MITF: variants seen among roughly 807,000 people sequenced by gnomAD.
The protein encoded by MITF is microphthalmia-associated transcription factor.
MITF carries 17 observed loss-of-function variants against 60.5 expected under a neutral mutation model. The observed-to-expected ratio is 0.28, with a 90% confidence interval of 0.19 to 0.42. The LOEUF (loss-of-function observed/expected upper bound fraction) is 0.42, where lower values mean the gene tolerates loss of function less well. Among genes scored for constraint, MITF ranks in the 10% least tolerant of loss-of-function variants. The probability of loss-of-function intolerance (pLI) is 1.00; values close to 1 mark genes in which losing one functional copy is unlikely to be tolerated. For synonymous variants in MITF, 260 were observed against 248.5 expected, an observed-to-expected ratio of 1.05 and a Z score of -0.43; for missense variants, 622 against 683.5, an observed-to-expected ratio of 0.91 and a Z score of 1.00.
chr3:69,804,860 C>T (rs1481075984), intron 1 of MITF, among the ~76,000 whole-genome samples: 1 of 152,164 alleles, frequency 6.6e-6, no homozygotes, highest in Non-Finnish European at 1.5e-5. Flanking sequence ...TGAATCCTGT[C>T]CCTTGAATTT....
chr3:69,748,800 G>A (rs1446221598), intron 1 of MITF, among the ~76,000 whole-genome samples: 1 of 152,164 alleles, frequency 6.6e-6, no homozygotes, highest in Non-Finnish European at 1.5e-5. Context: ...AAAAGTGGTT[G>A]TCCCCACTGT....
chr3:69,849,537 A>C (rs1410343797), intron 1 of MITF, among the ~76,000 whole-genome samples: 1 of 152,186 alleles, frequency 6.6e-6, no homozygotes, highest in Non-Finnish European at 1.5e-5. Context: ...TGTGAAGTTG[A>C]GACTGTTCTT....
At chr3:69,909,339 T>C (rs1485886836) in intron 2 of MITF, among the ~76,000 whole-genome samples, 1 of 152,208 alleles carries the variant, frequency 6.6e-6, no homozygotes, top group Non-Finnish European at 1.5e-5. Flanking sequence ...TAAACCTCTT[T>C]TTCCTCCCAG....
At chr3:69,779,897 TG>T (rs2062535809) in intron 1 of MITF, among the ~76,000 whole-genome samples, 1 of 152,052 alleles carries the variant, frequency 6.6e-6, no homozygotes, top group South Asian at 2.1e-4. Flanking sequence ...TTAAGTGGGT[TG>T]TCCTAGTAGC....
intron 1 of MITF, among the ~76,000 whole-genome samples, chr3:69,860,902 G>C (rs2064004779): frequency 6.6e-6 from 1 of 152,156 alleles, no homozygotes; most frequent in Non-Finnish European, 1.5e-5. Context: ...ACTGTTACAG[G>C]CAGATCTGTT....
chr3:69,905,466 A>C (rs1253156402), intron 2 of MITF, among the ~76,000 whole-genome samples: 1 of 151,648 alleles, frequency 6.6e-6, no homozygotes, highest in Non-Finnish European at 1.5e-5. Flanking sequence ...CTTCGTGTGG[A>C]TTCATTCTTT....
At chr3:69,779,325 A>G (rs2062525833) in intron 1 of MITF, among the ~76,000 whole-genome samples, 1 of 152,172 alleles carries the variant, frequency 6.6e-6, no homozygotes, top group Non-Finnish European at 1.5e-5. Context: ...CCTTACTACA[A>G]ACATACACAA....
intron 5 of MITF, among the ~76,000 whole-genome samples, chr3:69,941,899 T>C (rs753567240): frequency 2.0e-5 from 3 of 152,232 alleles, no homozygotes; most frequent in African/African-American, 7.2e-5. Context: ...TTTAGTCTTA[T>C]GTTACTGTTT....
chr3:69,911,870 TAA>T (rs978880760), intron 2 of MITF, among the ~76,000 whole-genome samples: 2 of 152,184 alleles, frequency 1.3e-5, no homozygotes, highest in Non-Finnish European at 2.9e-5. Context: ...CAATATTTAA[TAA>T]AGTTTCCAGT....
intron 1 of MITF, among the ~76,000 whole-genome samples, chr3:69,809,244 G>A (rs1021200375): frequency 6.6e-6 from 1 of 152,140 alleles, no homozygotes; most frequent in East Asian, 1.9e-4. Context: ...GGGTGAATGT[G>A]GGGGAGAGTA....
intron 1 of MITF, among the ~76,000 whole-genome samples, chr3:69,857,272 T>G (rs1015880649): frequency 2.6e-5 from 4 of 152,126 alleles, no homozygotes; most frequent in African/African-American, 9.7e-5. Context: ...GAGGAAAGTG[T>G]GGGCTCTGGA....
intron 2 of MITF, among the ~76,000 whole-genome samples, chr3:69,911,065 G>C (rs1559714505): frequency 6.6e-6 from 1 of 152,014 alleles, no homozygotes; most frequent in Non-Finnish European, 1.5e-5. Context: ...GGAGGTAATT[G>C]AATCATGGGG....
chr3:69,921,820 A>G (rs2065473650), intron 2 of MITF, among the ~76,000 whole-genome samples: 1 of 152,170 alleles, frequency 6.6e-6, no homozygotes, highest in Non-Finnish European at 1.5e-5. Context: ...CTTCTAGGAT[A>G]GGATTTCTAC....
chr3:69,913,860 A>G (rs1461092416), intron 2 of MITF, among the ~76,000 whole-genome samples: 2 of 152,214 alleles, frequency 1.3e-5, no homozygotes, highest in Non-Finnish European at 2.9e-5. Context: ...AGGCTTTCAG[A>G]AATGCAGTCT....
chr3:69,807,835 C>T (rs1476286168), intron 1 of MITF, among the ~76,000 whole-genome samples: 1 of 152,114 alleles, frequency 6.6e-6, no homozygotes, highest in Non-Finnish European at 1.5e-5. Context: ...TAGTTGGTAA[C>T]TAAGCTTCGT....
intron 1 of MITF, among the ~76,000 whole-genome samples, chr3:69,809,211 C>A (rs2063061593): frequency 6.6e-6 from 1 of 151,996 alleles, no homozygotes; most frequent in African/African-American, 2.4e-5. Flanking sequence ...GGAAGCATTG[C>A]TCAGAAAATA....
At chr3:69,941,900 G>A (rs1028063631) in intron 5 of MITF, among the ~76,000 whole-genome samples, 1 of 152,000 alleles carries the variant, frequency 6.6e-6, no homozygotes, top group Admixed American at 6.6e-5. Context: ...TTAGTCTTAT[G>A]TTACTGTTTT....
intron 8 of MITF, among the ~76,000 whole-genome samples, chr3:69,958,499 G>C (rs569888525): frequency 2.0e-5 from 3 of 151,862 alleles, no homozygotes; most frequent in Non-Finnish European, 1.5e-5. Flanking sequence ...TCCATTCACC[G>C]GTTCCACCTG....
chr3:69,763,850 C>A (rs1368641763), intron 1 of MITF: 9 of 1,371,602 alleles, frequency 6.6e-6, no homozygotes, highest in Non-Finnish European at 8.8e-6. Flanking sequence ...AAATGGGACA[C>A]CTTGAAAATA....
Sources: gnomAD v4.1 joint callset for allele counts (sites outside exome capture counted in the v4.1 genomes callset) on GRCh38, gnomAD v4.1.1 for gene constraint, MANE v1.5 for transcripts, NCBI Gene and HGNC (gene_info 2026-07-23, HGNC 2026-07-21) for gene names.